The following SNX30 variants were observed in gnomAD, a reference collection of about 807,000 sequenced individuals.
SNX30 encodes the protein sorting nexin-30.
In SNX30, 24 loss-of-function variants were observed where a neutral mutation model predicts 46.4. The observed-to-expected ratio is 0.52, with a 90% confidence interval of 0.37 to 0.73. The LOEUF is 0.73. Among genes scored for constraint, SNX30 ranks in the 30% least tolerant of loss-of-function variants. The pLI, the probability that SNX30 is intolerant of heterozygous loss-of-function variation, is 0.00. For missense variants in SNX30, 533 were observed against 555.7 expected, an observed-to-expected ratio of 0.96 and a Z score of 0.41; for synonymous variants, 189 against 211.5, an observed-to-expected ratio of 0.89 and a Z score of 0.92.
intron 6 of SNX30, 65 bp from the exon 7 acceptor site, chr9:112,850,794 G>T: frequency 1.6e-6 from 2 of 1,248,610 alleles, no homozygotes; most frequent in South Asian, 1.3e-5. Flanking sequence ...AGAAGCAATT[G>T]CCTGGGGGTG....
At chr9:112,807,642 C>G (rs142776021) in intron 2 of SNX30, among the ~76,000 whole-genome samples, 1 of 152,302 alleles carries the variant, frequency 6.6e-6, no homozygotes, top group African/African-American at 2.4e-5. Flanking sequence ...TGTAAACAGC[C>G]AAATGACAAA....
intron 1 of SNX30, among the ~76,000 whole-genome samples, chr9:112,763,078 G>T (rs1165472200): frequency 6.6e-6 from 1 of 152,172 alleles, no homozygotes; most frequent in South Asian, 2.1e-4. Context: ...ATGCTGGTAG[G>T]TGGAAGTCAG....
chr9:112,836,991 C>T (rs563722217), intron 5 of SNX30, among the ~76,000 whole-genome samples: 1 of 152,288 alleles, frequency 6.6e-6, no homozygotes, highest in Admixed American at 6.5e-5. Context: ...TTGCCACATC[C>T]CATAATGTTG....
At chr9:112,807,190 C>T (rs1373126146) in intron 2 of SNX30, among the ~76,000 whole-genome samples, 7 of 151,480 alleles carry the variant, frequency 4.6e-5, no homozygotes, top group East Asian at 1.9e-4. Context: ...CTCAGCCTCC[C>T]GAGTAGCTGG....
chr9:112,843,910 G>T (rs1466063964), intron 6 of SNX30, among the ~76,000 whole-genome samples: 1 of 152,180 alleles, frequency 6.6e-6, no homozygotes, highest in East Asian at 1.9e-4. Flanking sequence ...TTAAAGGCTG[G>T]TAAGAGTCTG....
intron 1 of SNX30, among the ~76,000 whole-genome samples, chr9:112,788,182 A>C (rs1398338223): frequency 1.3e-5 from 2 of 151,674 alleles, no homozygotes; most frequent in African/African-American, 4.8e-5. Flanking sequence ...CCTGTTCCTC[A>C]CTTGAGTGTT....
At chr9:112,847,756 A>C (rs762968079) in intron 6 of SNX30, among the ~76,000 whole-genome samples, 5 of 152,250 alleles carry the variant, frequency 3.3e-5, no homozygotes, top group African/African-American at 4.8e-5. Context: ...TTAAAAAATA[A>C]GTGTCCGAGA....
At chr9:112,880,797 T>G (rs1303848956) in intron 5 of SNX30, among the ~76,000 whole-genome samples, 1 of 152,222 alleles carries the variant, frequency 6.6e-6, no homozygotes, top group Non-Finnish European at 1.5e-5. Flanking sequence ...TGAAATTTTT[T>G]TATCCATTTA....
chr9:112,848,070 G>A (rs1266242720), intron 6 of SNX30, among the ~76,000 whole-genome samples: 2 of 151,554 alleles, frequency 1.3e-5, no homozygotes, highest in Non-Finnish European at 2.9e-5. Flanking sequence ...GGTGTGTAGA[G>A]GAGGGCAGGT....
chr9:112,876,914 CA>C (rs1300279198), downstream of SNX30, among the ~76,000 whole-genome samples: 1 of 107,836 alleles, frequency 9.3e-6, no homozygotes, highest in Non-Finnish European at 1.8e-5. Flanking sequence ...ACAGCCTGGG[CA>C]AAAGAGTAAG....
downstream of SNX30, among the ~76,000 whole-genome samples, chr9:112,882,406 C>G (rs1841591143): frequency 6.6e-6 from 1 of 152,164 alleles, no homozygotes; most frequent in Non-Finnish European, 1.5e-5. Flanking sequence ...TGCACCCAGC[C>G]AAACATTTGG....
chr9:112,866,993 C>CCTTCCTCAGAACTCCTCCCA (rs1841362605), intron 8 of SNX30, among the ~76,000 whole-genome samples: 11 of 5,644 alleles, frequency 1.9e-3, no homozygotes, highest in South Asian at 5.7e-3. Context: ...AATTCCTTCT[C>CCTTCCTCAGAACTCCTCCCA]CCTCCTCAGA....
Position 112,870,517 on chromosome 9 carries a change from C to G in SNX30, c.*1674C>G, listed in dbSNP as rs2131520841. 1 of 152,300 alleles carries G rather than the reference C, an allele frequency of 6.6e-6. No homozygotes were observed. The highest frequency in any genetic ancestry group is 1.9e-4 in the East Asian group (1 of 5,184). The allele number at this position is 152,300 out of a possible 1,614,324, so 9.4% of individuals were successfully genotyped here. A position where few individuals can be genotyped will look rare whatever the true frequency, so the allele number is the denominator to read the frequency against. ...GCAGTTTAAATGATAATGTTTAAATCAATTGGTACTTGCCTGTAGTGTTAA... is the reference window on the plus strand; with the variant it reads ...GCAGTTTAAATGATAATGTTTAAATGAATTGGTACTTGCCTGTAGTGTTAA... On this transcript the variant is annotated 3_prime_UTR_variant, in exon 9 of 9. Coordinates refer to ENST00000374232, the MANE Select transcript of SNX30 (RefSeq NM_001012994.2).
chr9:112,838,207 A>C (rs1840795000), intron 5 of SNX30, among the ~76,000 whole-genome samples: 1 of 152,082 alleles, frequency 6.6e-6, no homozygotes, highest in African/African-American at 2.4e-5. Flanking sequence ...TTATTTTCGA[A>C]GATGTTTGGT....
Position 112,869,213 on chromosome 9 carries a change from C to T in SNX30, c.*370C>T, listed in dbSNP as rs758604069. 1 of 215,862 alleles carries T rather than the reference C, an allele frequency of 4.6e-6. No individual in the cohort carries two copies. The highest frequency in any genetic ancestry group is 9.5e-6 in the Non-Finnish European group (1 of 104,848). The allele number at this position is 215,862 out of a possible 1,614,324, so 13.4% of individuals were successfully genotyped here. On this transcript the variant is annotated 3_prime_UTR_variant, in exon 9 of 9. Transcript: ENST00000374232. ...TGAGTTGCCAGTTGTGGGAGAGAAC[C>T]CGGGGCCTGCTTTTCAAGGATGAGG...
chr9:112,876,236 GGGA>G (rs1841516459), downstream of SNX30, among the ~76,000 whole-genome samples: 1 of 152,174 alleles, frequency 6.6e-6, no homozygotes, highest in Admixed American at 6.5e-5. Flanking sequence ...GATTCTTGGG[GGGA>G]GGAGAATGGA....
At chr9:112,881,988 C>T (rs368191686), downstream of SNX30, among the ~76,000 whole-genome samples, 6 of 152,102 alleles carry the variant, frequency 3.9e-5, no homozygotes, top group African/African-American at 9.7e-5. Flanking sequence ...GGGGAGGCGA[C>T]TGTGGCTGAG....
At chr9:112,750,169 T>C (rs1839241532), upstream of SNX30, among the ~76,000 whole-genome samples, 1 of 152,162 alleles carries the variant, frequency 6.6e-6, no homozygotes, top group African/African-American at 2.4e-5. Flanking sequence ...TGTTCTGAGG[T>C]TTGACTTTAC....
At position 112,778,492 on chromosome 9, in the gene SNX30, G is replaced by A. The variant is rs1214986712; in HGVS notation, c.157-26284G>A. Among the ~76,000 whole-genome samples the A allele has an allele frequency of 4.6e-5, 7 of 152,052 alleles. No homozygotes were observed. The East Asian group carries it at 9.6e-4, about 21-fold the overall frequency. Reference sequence around the variant, plus strand: ...TCGCCATGTTGGCCAGGCTGGTCGCGAACTCCTGACCTTAGGTGATCCGCC... The same window carrying A: ...TCGCCATGTTGGCCAGGCTGGTCGCAAACTCCTGACCTTAGGTGATCCGCC... On this transcript the variant is annotated intron_variant, in intron 1 of 8. Transcript: ENST00000374232.
Sources: allele counts gnomAD v4.1 joint callset (sites outside exome capture counted in the v4.1 genomes callset), GRCh38; gene constraint gnomAD v4.1.1; transcripts MANE v1.5; gene names NCBI Gene and HGNC (gene_info 2026-07-23, HGNC 2026-07-21).